Variants in TNPO1 observed in about 807,000 individuals in gnomAD.
TNPO1 encodes the protein transportin 1, also known as transportin-1.
TNPO1 carries 8 observed loss-of-function variants against 119.5 expected under a neutral mutation model. The ratio of observed to expected loss-of-function variants is 0.07; its 90% CI spans 0.04 to 0.12. The LOEUF (loss-of-function observed/expected upper bound fraction) is 0.12, where lower values mean the gene tolerates loss of function less well. Ranked by LOEUF, TNPO1 falls within the 10% of genes least tolerant of loss-of-function variation. TNPO1 has a pLI of 1.00. For missense variants in TNPO1, 576 were observed against 1,089.8 expected (o/e 0.53, Z 6.64); for synonymous variants, 362 against 363.0 (o/e 1.00, Z 0.03).
intron 9 of TNPO1, among the ~76,000 whole-genome samples, chr5:72,881,400 A>G (rs1472267724): frequency 6.6e-6 from 1 of 152,198 alleles, no homozygotes; most frequent in Admixed American, 6.5e-5. Context: ...TTATCTGACA[A>G]ACATCAGAGC....
Position 72,889,939 on chromosome 5 carries a change from A to G in TNPO1, c.1683A>G (p.Gly561=). 2 of 1,613,288 alleles carry G rather than the reference A, an allele frequency of 1.2e-6. No individual in the cohort carries two copies. Among genetic ancestry groups the G allele is most frequent in the Non-Finnish European group, 1.7e-6 (2 of 1,179,736 alleles). ...TAGGAACATTAGCAGATTCAGTAGG[A>G]CATCATTTAAACAAACCAGTAAGTA... The part of the protein sequence containing the change: ...DAIGTLADSV[G]HHLNKPEYIQ... Residue 561 remains glycine, a synonymous_variant, in exon 14 of 25, where the codon GGA becomes GGG. Coordinates refer to ENST00000337273, the MANE Select transcript of TNPO1 (RefSeq NM_002270.4).
At chr5:72,831,558 T>C (rs1001334310) in intron 1 of TNPO1, among the ~76,000 whole-genome samples, 2 of 151,974 alleles carry the variant, frequency 1.3e-5, no homozygotes, top group African/African-American at 4.8e-5. Flanking sequence ...TTAAAAATTA[T>C]TTTGTATACA....
chr5:72,872,932 A>G (rs994020843), intron 7 of TNPO1, among the ~76,000 whole-genome samples: 3 of 152,066 alleles, frequency 2.0e-5, no homozygotes, highest in African/African-American at 7.2e-5. Context: ...TAATTTTTCT[A>G]CTTGTATCAT....
chr5:72,903,402 T>C (rs1382306177), intron 22 of TNPO1, among the ~76,000 whole-genome samples: 1 of 152,098 alleles, frequency 6.6e-6, no homozygotes, highest in Non-Finnish European at 1.5e-5. Flanking sequence ...TTTTTATGGG[T>C]GTCGATTTGG....
intron 1 of TNPO1, among the ~76,000 whole-genome samples, chr5:72,842,532 G>A (rs1022781511): frequency 6.6e-6 from 1 of 152,180 alleles, no homozygotes; most frequent in African/African-American, 2.4e-5. Context: ...ATGTGTTTAA[G>A]TCTTCAATAT....
At chr5:72,887,995 A>C in intron 12 of TNPO1, 83 bp from the exon 13 acceptor site, 2 of 1,291,812 alleles carry the variant, frequency 1.5e-6, no homozygotes, top group Admixed American at 2.1e-5. Context: ...GAATTTTTTC[A>C]TAGATACGTG....
chr5:72,823,981 C>T (rs1353281406), intron 1 of TNPO1, among the ~76,000 whole-genome samples: 1 of 152,192 alleles, frequency 6.6e-6, no homozygotes, highest in Non-Finnish European at 1.5e-5. Flanking sequence ...TTGCTTCCCA[C>T]TTTGCTGAGA....
At chr5:72,837,093 C>T (rs1223271159) in intron 1 of TNPO1, among the ~76,000 whole-genome samples, 1 of 152,214 alleles carries the variant, frequency 6.6e-6, no homozygotes, top group Non-Finnish European at 1.5e-5. Flanking sequence ...TACCCAATTG[C>T]AAAGCCACTT....
Position 72,816,691 on chromosome 5 carries a change from A to C in TNPO1, c.-47A>C. The C allele has an allele frequency of 1.3e-6, 2 of 1,546,692 alleles. No individual in the cohort carries two copies. Among genetic ancestry groups the C allele is most frequent in the African/African-American group, 2.8e-5 (2 of 71,024 alleles). On this transcript the variant is annotated 5_prime_UTR_variant, in exon 1 of 25. Coordinates refer to ENST00000337273, the MANE Select transcript of TNPO1 (RefSeq NM_002270.4). ...GCAGCCATTTCAGGCCCCGGACAGGAGGCAGTGCCGCTTCGGCCGAAGGCC... is the reference window on the plus strand; with the variant it reads ...GCAGCCATTTCAGGCCCCGGACAGGCGGCAGTGCCGCTTCGGCCGAAGGCC...
intron 18 of TNPO1, among the ~76,000 whole-genome samples, chr5:72,895,071 A>T (rs1579926526): frequency 6.6e-6 from 1 of 152,202 alleles, no homozygotes; most frequent in Non-Finnish European, 1.5e-5. Flanking sequence ...GCAAATCTCA[A>T]ACACAGCATT....
chr5:72,898,447 A>G (rs1391981187), intron 20 of TNPO1, among the ~76,000 whole-genome samples: 1 of 152,116 alleles, frequency 6.6e-6, no homozygotes, highest in Non-Finnish European at 1.5e-5. Context: ...GATTAAATTG[A>G]TATTATTGAG....
intron 9 of TNPO1, among the ~76,000 whole-genome samples, chr5:72,881,352 G>A (rs1013159488): frequency 2.0e-5 from 3 of 152,004 alleles, no homozygotes; most frequent in African/African-American, 4.8e-5. Context: ...CTCGTGATCC[G>A]CTCGCCTCGA....
At chr5:72,885,431 C>G (rs922121972) in intron 11 of TNPO1, among the ~76,000 whole-genome samples, 6 of 152,230 alleles carry the variant, frequency 3.9e-5, no homozygotes, top group African/African-American at 1.2e-4. Flanking sequence ...GGAACACTTC[C>G]TCTTCACATC....
At position 72,913,470 on chromosome 5, in the gene TNPO1, A is replaced by G. The variant is rs1204464483; in HGVS notation, c.*4797A>G. On this transcript the variant is annotated 3_prime_UTR_variant, in exon 25 of 25. Transcript: ENST00000337273. ...TAAAAGATGCATAATAGCTGAATGT[A>G]TGCATGACTTTGAAAGAAGTTAAAA... 6.6e-6 allele frequency: 1 copy of G among 152,524 alleles called. No homozygotes were observed. Among genetic ancestry groups the G allele is most frequent in the Non-Finnish European group, 1.5e-5 (1 of 67,948 alleles). 9.4% of individuals were successfully genotyped at this position (152,524 alleles called of 1,614,324 possible). A position where few individuals can be genotyped will look rare whatever the true frequency, so the allele number is the denominator to read the frequency against.
chr5:72,905,275 A>G (rs1561364675), intron 23 of TNPO1, 28 bp from the exon 24 acceptor site: 1 of 1,524,690 alleles, frequency 6.6e-7, no homozygotes, highest in Non-Finnish European at 9.0e-7. Flanking sequence ...CTTGTTATTG[A>G]TAAATTAATG....
intron 22 of TNPO1, 44 bp downstream of exon 22, chr5:72,901,117 A>G: frequency 7.7e-7 from 1 of 1,304,806 alleles, no homozygotes; most frequent in Non-Finnish European, 1.1e-6. Flanking sequence ...TAATTAATAA[A>G]ATTTTAAAGG....
chr5:72,881,969 T>C (rs1748276878), intron 9 of TNPO1, among the ~76,000 whole-genome samples: 2 of 152,206 alleles, frequency 1.3e-5, no homozygotes, highest in Admixed American at 1.3e-4. Flanking sequence ...TGTCTTCACT[T>C]CTTTAACCCA....
Position 72,872,726 on chromosome 5 carries a change from A to C in TNPO1, c.678+6A>C. 2 of 1,587,344 alleles carry C rather than the reference A, an allele frequency of 1.3e-6. No individual in the cohort carries two copies. Among genetic ancestry groups the C allele is most frequent in the Non-Finnish European group, 1.7e-6 (2 of 1,168,158 alleles). ...ACATTGATTCTTTTATTGAGGTAAG[A>C]CTTGTTCTTGTCTCCCTCCCAACCC... On this transcript the variant is annotated splice_donor_region_variant and intron_variant, in intron 7 of 24. Transcript: ENST00000337273.
chr5:72,900,761 GA>G, intron 21 of TNPO1: 1 of 355,570 alleles, frequency 2.8e-6, no homozygotes, highest in Non-Finnish European at 5.1e-6. Context: ...AATTTATTAA[GA>G]AAATGTGGAT....
Sources: allele counts gnomAD v4.1 joint callset (sites outside exome capture counted in the v4.1 genomes callset), GRCh38; gene constraint gnomAD v4.1.1; transcripts MANE v1.5; gene names NCBI Gene and HGNC (gene_info 2026-07-23, HGNC 2026-07-21).